Variants in BCO1 observed in about 807,000 individuals in gnomAD.
BCO1 encodes beta,beta-carotene 15,15'-dioxygenase.
BCO1 carries 54 observed loss-of-function variants against 56.3 expected under a neutral mutation model. That is an observed-to-expected ratio of 0.96 (90% CI 0.77 to 1.20). The LOEUF (loss-of-function observed/expected upper bound fraction) is 1.20, where lower values mean the gene tolerates loss of function less well. Among genes scored for constraint, BCO1 ranks in the 50% most tolerant of loss-of-function variants. The probability of loss-of-function intolerance (pLI) is 0.00; values close to 1 mark genes in which losing one functional copy is unlikely to be tolerated. For missense variants in BCO1, 801 were observed against 690.9 expected (o/e 1.16, Z -1.79); for synonymous variants, 318 against 266.1 (o/e 1.20, Z -1.90).
intron 1 of BCO1, among the ~76,000 whole-genome samples, chr16:81,241,448 G>C (rs1451935561): frequency 1.3e-5 from 2 of 152,162 alleles, no homozygotes; most frequent in African/African-American, 4.8e-5. Flanking sequence ...GAACACGAGA[G>C]GCTGAGTGAG....
chr16:81,255,661 C>G (rs1471069666), intron 2 of BCO1, among the ~76,000 whole-genome samples: 2 of 151,728 alleles, frequency 1.3e-5, no homozygotes, highest in Non-Finnish European at 2.9e-5. Flanking sequence ...TGCCTCCCAC[C>G]ACACCCAGCT....
intron 1 of BCO1, among the ~76,000 whole-genome samples, chr16:81,239,697 G>C (rs780804330): frequency 1.3e-5 from 2 of 152,212 alleles, no homozygotes; most frequent in Non-Finnish European, 2.9e-5. Flanking sequence ...TGCAGAGTCT[G>C]ATGTGATTTT....
intron 1 of BCO1, among the ~76,000 whole-genome samples, chr16:81,240,435 G>A (rs751192525): frequency 6.6e-6 from 1 of 152,094 alleles, no homozygotes; most frequent in Non-Finnish European, 1.5e-5. Flanking sequence ...GCCAGGTGCG[G>A]TGGCTCACGC....
chr16:81,243,722 C>A (rs1446173766), intron 1 of BCO1, among the ~76,000 whole-genome samples: 1 of 152,152 alleles, frequency 6.6e-6, no homozygotes, highest in Non-Finnish European at 1.5e-5. Flanking sequence ...GCCTGCCTCA[C>A]CTCCCAAAGT....
At chr16:81,243,401 C>G (rs1905225448) in intron 1 of BCO1, among the ~76,000 whole-genome samples, 1 of 152,138 alleles carries the variant, frequency 6.6e-6, no homozygotes, top group Admixed American at 6.6e-5. Flanking sequence ...AGTTTTCTTG[C>G]TTGAAAATGA....
chr16:81,238,915 A>T lies in BCO1; in HGVS notation c.7A>T (p.Ile3Leu). 1 of 1,614,088 alleles carries T rather than the reference A, an allele frequency of 6.2e-7. No individual in the cohort carries two copies. Among genetic ancestry groups the T allele is most frequent in the Non-Finnish European group, 8.5e-7 (1 of 1,179,980 alleles). Residue 3 changes from isoleucine (I) to leucine (L), a missense_variant, in exon 1 of 11, where the codon ATA becomes TTA. By Grantham distance (5) the Ile-to-Leu change is conservative. Transcript: ENST00000258168. ...TCCCTCGGCACCCTGAGCAATGGATATAATATTTGGCAGGAATAGGAAAGA... is the reference window on the plus strand; with the variant it reads ...TCCCTCGGCACCCTGAGCAATGGATTTAATATTTGGCAGGAATAGGAAAGA... MD[I>L]IFGRNRKEQL... is the part of the protein sequence containing the mutation.
At chr16:81,274,438 G>C (rs1028758199) in intron 7 of BCO1, among the ~76,000 whole-genome samples, 1 of 151,930 alleles carries the variant, frequency 6.6e-6, no homozygotes, top group African/African-American at 2.4e-5. Flanking sequence ...TTATTGTTTT[G>C]TATTTTTGGT....
intron 2 of BCO1, among the ~76,000 whole-genome samples, chr16:81,251,874 A>T (rs77953045): frequency 6.8e-6 from 1 of 146,694 alleles, no homozygotes; most frequent in East Asian, 2.0e-4. Context: ...ACACACATAT[A>T]TGTGTGTGTG....
intron 8 of BCO1, among the ~76,000 whole-genome samples, chr16:81,284,986 G>A (rs944523221): frequency 6.6e-6 from 1 of 151,436 alleles, no homozygotes; most frequent in African/African-American, 2.4e-5. Flanking sequence ...ACAGGCATGC[G>A]GCACCATGCC....
intron 7 of BCO1, among the ~76,000 whole-genome samples, chr16:81,279,938 C>T (rs1907768861): frequency 6.6e-6 from 1 of 152,166 alleles, no homozygotes; most frequent in Non-Finnish European, 1.5e-5. Context: ...AAAGTCCCCC[C>T]AATCCCATCA....
chr16:81,244,255 C>G (rs6564857), intron 1 of BCO1, among the ~76,000 whole-genome samples: 58,944 of 152,112 alleles, frequency 0.39, 12,031 homozygotes, highest in African/African-American at 0.52. Context: ...GCAGGGCTGT[C>G]CCCTAGAAAG....
Position 81,290,607 on chromosome 16 carries a change from G to A in BCO1, c.*30G>A. On this transcript the variant is annotated 3_prime_UTR_variant, in exon 11 of 11. Transcript: ENST00000258168. ...GTTGGGGTTTGGGTAGGGGAGGGGA[G>A]CTCGGCTGTCAGAACTCCATGGATA... The A allele has an allele frequency of 6.4e-7, 1 of 1,561,600 alleles. No homozygotes were observed. Among genetic ancestry groups the A allele is most frequent in the Non-Finnish European group, 8.8e-7 (1 of 1,138,690 alleles).
chr16:81,240,499 A>G (rs1905062004), intron 1 of BCO1, among the ~76,000 whole-genome samples: 1 of 152,084 alleles, frequency 6.6e-6, no homozygotes, highest in Admixed American at 6.6e-5. Flanking sequence ...TGAAGCCAGG[A>G]GTTTGAGACC....
At chr16:81,285,852 TG>T (rs1189599416) in intron 9 of BCO1, among the ~76,000 whole-genome samples, 4 of 152,102 alleles carry the variant, frequency 2.6e-5, no homozygotes, top group Non-Finnish European at 4.4e-5. Context: ...GTTTATTCAC[TG>T]ATTTCTTTAT....
intron 2 of BCO1, among the ~76,000 whole-genome samples, chr16:81,259,351 G>A (rs191108437): frequency 6.6e-6 from 1 of 152,064 alleles, no homozygotes; most frequent in Non-Finnish European, 1.5e-5. Flanking sequence ...AAAATTTGCT[G>A]GTCGTGGTGG....
rs892866782 is a variant in BCO1, at chr16:81,239,142, G to C, written c.64+170G>C. Among the ~76,000 whole-genome samples, 11 of 151,390 alleles carry C rather than the reference G, an allele frequency of 7.3e-5. 1 individual carries two copies. The highest frequency in any genetic ancestry group is 2.7e-4 in the African/African-American group (11 of 41,220). ...AACGATCCTCCCACCACAGCCTCCC[G>C]AGTAGCTGAGATTACAGGCACCCAC... On this transcript the variant is annotated intron_variant, in intron 1 of 10. Coordinates refer to ENST00000258168, the MANE Select transcript of BCO1 (RefSeq NM_017429.3).
rs58836232 is a variant in BCO1, at chr16:81,274,909, A to C, written c.1101+4493A>C. Among the ~76,000 whole-genome samples the C allele has an allele frequency of 8.4e-3, 1,273 of 152,146 alleles. 19 individuals are homozygous for C. The highest frequency in any genetic ancestry group is 0.029 in the African/African-American group (1,214 of 41,464). ...AGAGTGAGACTCCATCTCAAAAAAA[A>C]AAAAAAAGAAAGCTGTCATATGAAC... is the stretch of plus-strand genomic sequence containing the variant. On this transcript the variant is annotated intron_variant, in intron 7 of 10. Transcript: ENST00000258168.
Position 81,273,038 on chromosome 16 carries a change from C to T in BCO1, c.1101+2622C>T, listed in dbSNP as rs1395807448. On this transcript the variant is annotated intron_variant, in intron 7 of 10. Coordinates refer to ENST00000258168, the MANE Select transcript of BCO1 (RefSeq NM_017429.3). ...AGGCTGGAGTGCAGTGGTTTAATCT[C>T]GGCTCACTGCAATCTCCGCCTCCTG... Among the ~76,000 whole-genome samples, 9 of 152,042 alleles carry T rather than the reference C, an allele frequency of 5.9e-5. No individual in the cohort carries two copies. The East Asian group carries it at 1.5e-3, about 26-fold the overall frequency.
intron 2 of BCO1, among the ~76,000 whole-genome samples, chr16:81,247,996 C>G (rs1035467390): frequency 3.3e-5 from 5 of 152,150 alleles, no homozygotes; most frequent in African/African-American, 1.2e-4. Context: ...GTAAAATGGA[C>G]ATATCAATAG....
Sources: gnomAD v4.1 joint callset for allele counts (sites outside exome capture counted in the v4.1 genomes callset) on GRCh38, gnomAD v4.1.1 for gene constraint, MANE v1.5 for transcripts, NCBI Gene and HGNC (gene_info 2026-07-23, HGNC 2026-07-21) for gene names.